Variants in ZMYM4 observed in about 807,000 individuals in gnomAD.
ZMYM4 encodes the protein zinc finger MYM-type containing 4, also known as zinc finger MYM-type protein 4.
A neutral mutation model predicts 183.2 loss-of-function variants in ZMYM4; 31 were observed. The ratio of observed to expected loss-of-function variants is 0.17; its 90% CI spans 0.13 to 0.23. The LOEUF (loss-of-function observed/expected upper bound fraction) is 0.23, where lower values mean the gene tolerates loss of function less well. Among genes scored for constraint, ZMYM4 ranks in the 10% least tolerant of loss-of-function variants. The pLI, the probability that ZMYM4 is intolerant of heterozygous loss-of-function variation, is 1.00. For missense variants in ZMYM4, 1,273 were observed against 1,840.3 expected, an observed-to-expected ratio of 0.69 and a Z score of 5.64; for synonymous variants, 592 against 631.2, an observed-to-expected ratio of 0.94 and a Z score of 0.93.
chr1:35,355,669 T>C (rs1180712930), intron 2 of ZMYM4, among the ~76,000 whole-genome samples: 1 of 152,292 alleles, frequency 6.6e-6, no homozygotes, highest in Non-Finnish European at 1.5e-5. Context: ...ATTTGATCTT[T>C]TATATTTTTA....
intron 1 of ZMYM4, among the ~76,000 whole-genome samples, chr1:35,303,019 A>G (rs956367084): frequency 6.6e-6 from 1 of 151,372 alleles, no homozygotes; most frequent in Non-Finnish European, 1.5e-5. Context: ...CCACGCCTAT[A>G]TTCCTAGCTC....
In ZMYM4 at chr1:35,331,681, G is replaced by A. The variant is rs920219334; in HGVS notation, c.85+6276G>A. Among the ~76,000 whole-genome samples, 5 of 152,054 alleles carry A rather than the reference G, an allele frequency of 3.3e-5. No individual in the cohort carries two copies. The East Asian group carries it at 9.6e-4, about 29-fold the overall frequency. On this transcript the variant is annotated intron_variant, in intron 2 of 29. Transcript: ENST00000314607. ...GGGCACCTGTAATCCCAGCTATCTG[G>A]GAGGCTGAGGCAGGAGAATCACTTG...
intron 7 of ZMYM4, among the ~76,000 whole-genome samples, chr1:35,379,180 A>C (rs1644398022): frequency 6.6e-6 from 1 of 152,166 alleles, no homozygotes; most frequent in Admixed American, 6.5e-5. Context: ...AGGTCACTGC[A>C]GCCTCCGCCT....
chr1:35,389,186 A>G lies in ZMYM4; in HGVS notation c.2436+104A>G. The G allele has an allele frequency of 8.3e-7, 1 of 1,209,220 alleles. No homozygotes were observed. Among genetic ancestry groups the G allele is most frequent in the Non-Finnish European group, 1.1e-6 (1 of 883,674 alleles). The allele number at this position is 1,209,220 out of a possible 1,614,324, so 74.9% of individuals were successfully genotyped here. On this transcript the variant is annotated intron_variant, in intron 14 of 29. Transcript: ENST00000314607. This position sits in a 1 kb window ranked among gnomAD's most constrained non-coding sequence, Gnocchi z 4.0. ...GACAATTTAATTATTTAAAACTTTT[A>G]AGTATTAAATGTTTTATGCCTTCTA...
intron 7 of ZMYM4, among the ~76,000 whole-genome samples, chr1:35,377,706 CAT>C (rs1328388260): frequency 4.6e-5 from 7 of 152,146 alleles, no homozygotes; most frequent in East Asian, 1.9e-4. Context: ...TGCTAACAAT[CAT>C]GTGAGCCTTC....
intron 1 of ZMYM4, among the ~76,000 whole-genome samples, chr1:35,274,802 C>G (rs2148669070): frequency 6.6e-6 from 1 of 152,060 alleles, no homozygotes; most frequent in African/African-American, 2.4e-5. Context: ...TATTTTTCAA[C>G]CACAATTATT....
At chr1:35,383,755 A>C (rs949276813) in intron 9 of ZMYM4, among the ~76,000 whole-genome samples, 21 of 152,160 alleles carry the variant, frequency 1.4e-4, no homozygotes, top group African/African-American at 3.9e-4. Flanking sequence ...AAACCTATTA[A>C]ATTTTTCATG....
chr1:35,318,090 A>T (rs1204004628), intron 1 of ZMYM4, among the ~76,000 whole-genome samples: 1 of 125,288 alleles, frequency 8.0e-6, no homozygotes, highest in Non-Finnish European at 1.6e-5. Flanking sequence ...ACAGAGTCTC[A>T]CTCTATCACC....
At chr1:35,394,197 A>G (rs903053534) in intron 18 of ZMYM4, among the ~76,000 whole-genome samples, 2 of 97,934 alleles carry the variant, frequency 2.0e-5, no homozygotes, top group African/African-American at 8.5e-5. Flanking sequence ...TTTTTTATGA[A>G]CTGCCTCTCC....
chr1:35,392,271 A>G lies in ZMYM4; in HGVS notation c.2647A>G (p.Thr883Ala). 2 of 1,614,058 alleles carry G rather than the reference A, an allele frequency of 1.2e-6. No individual in the cohort carries two copies. Among genetic ancestry groups the G allele is most frequent in the Non-Finnish European group, 1.7e-6 (2 of 1,179,998 alleles). ...ACCCCCATCTCTGAGAAAAGATTCG[A>G]CTCCAGTTATAGCCAATGTAGTATC... The part of the protein sequence containing the change: ...AGPPSLRKDS[T>A]PVIANVVSLA... Residue 883 changes from threonine (T) to alanine (A), a missense_variant, in exon 16 of 30, where the codon ACT becomes GCT. By Grantham distance (58) the Thr-to-Ala change is moderately conservative. Transcript: ENST00000314607.
intron 1 of ZMYM4, among the ~76,000 whole-genome samples, chr1:35,282,452 C>G (rs1640221683): frequency 6.6e-6 from 1 of 152,208 alleles, no homozygotes; most frequent in Non-Finnish European, 1.5e-5. Flanking sequence ...ATAAGTTACT[C>G]AACCTCAGGT....
At chr1:35,296,841 TTC>T (rs1641038082) in intron 1 of ZMYM4, among the ~76,000 whole-genome samples, 1 of 129,650 alleles carries the variant, frequency 7.7e-6, no homozygotes, top group Non-Finnish European at 1.5e-5. Flanking sequence ...CTTTCTTTCT[TTC>T]TTTTTTTTTT....
chr1:35,336,190 C>A (rs549980945), intron 2 of ZMYM4, among the ~76,000 whole-genome samples: 1 of 152,282 alleles, frequency 6.6e-6, no homozygotes. Flanking sequence ...CCTCAAGGTT[C>A]ATCATGTTGT....
chr1:35,361,069 C>A, intron 3 of ZMYM4, 125 bp from the exon 4 acceptor site: 1 of 750,850 alleles, frequency 1.3e-6, no homozygotes, highest in Non-Finnish European at 2.0e-6. Context: ...GGACCCAGTT[C>A]ACTCTAACGA....
Position 35,326,541 on chromosome 1 carries a change from T to C in ZMYM4, c.85+1136T>C, listed in dbSNP as rs1642510320. 2.6e-5 allele frequency among the ~76,000 whole-genome samples: 4 copies of C among 152,232 alleles called. No homozygotes were observed. In the South Asian group the frequency reaches 6.2e-4, roughly 24 times the overall value. ...TGCTGATTATATATTTTATGAATTT[T>C]ATTACAATAATTTATATTCATTCAT... On this transcript the variant is annotated intron_variant, in intron 2 of 29. Transcript: ENST00000314607.
At chr1:35,363,228 CTA>C (rs1315225354) in intron 5 of ZMYM4, among the ~76,000 whole-genome samples, 1 of 152,078 alleles carries the variant, frequency 6.6e-6, no homozygotes, top group Admixed American at 6.5e-5. Flanking sequence ...GATCCTCCTG[CTA>C]TGGCCTTCCA....
At chr1:35,302,975 CAAA>C (rs775738760) in intron 1 of ZMYM4, among the ~76,000 whole-genome samples, 1 of 108,470 alleles carries the variant, frequency 9.2e-6, no homozygotes, top group Non-Finnish European at 1.9e-5. Flanking sequence ...ACACTGTCTC[CAAA>C]AAAAAAAAAA....
intron 15 of ZMYM4, among the ~76,000 whole-genome samples, chr1:35,390,313 A>G (rs1157378871): frequency 2.6e-5 from 4 of 152,220 alleles, no homozygotes; most frequent in African/African-American, 7.2e-5. Flanking sequence ...TGTGTGAGCA[A>G]CAAGGCTGTT....
intron 11 of ZMYM4, among the ~76,000 whole-genome samples, chr1:35,386,799 G>A (rs1375430671): frequency 6.6e-6 from 1 of 152,062 alleles, no homozygotes; most frequent in African/African-American, 2.4e-5. Flanking sequence ...TATTTTTGAG[G>A]AAGATTATTA....
Sources: gnomAD v4.1 joint callset for allele counts (sites outside exome capture counted in the v4.1 genomes callset) on GRCh38, gnomAD v4.1.1 for gene constraint, Gnocchi (gnomAD v3.1) non-coding constraint, MANE v1.5 for transcripts, NCBI Gene and HGNC (gene_info 2026-07-23, HGNC 2026-07-21) for gene names.